The following QRICH2 variants were observed in gnomAD, a reference collection of about 807,000 sequenced individuals.
QRICH2 encodes glutamine-rich protein 2.
Under a neutral mutation model 168.3 loss-of-function variants are expected in QRICH2, and 119 were observed. The observed-to-expected ratio is 0.71, with a 90% CI of 0.61 to 0.82. The LOEUF is 0.82. Ranked by LOEUF, QRICH2 falls within the 40% of genes least tolerant of loss-of-function variation. The probability of loss-of-function intolerance (pLI) is 0.00; values close to 1 mark genes in which losing one functional copy is unlikely to be tolerated. For synonymous variants in QRICH2, 894 were observed against 951.2 expected, an observed-to-expected ratio of 0.94 and a Z score of 1.11; for missense variants, 2,241 against 2,491.6, an observed-to-expected ratio of 0.90 and a Z score of 2.14.
In QRICH2 at chr17:76,291,069, C is replaced by G. The variant is rs769674148; in HGVS notation, c.3658G>C (p.Glu1220Gln). The change falls in exon 4 of 19, where the codon GAG (glutamate) becomes CAG (glutamine). Residue 1220 changes from glutamate (E) to glutamine (Q), a missense_variant. Coordinates refer to ENST00000680821, the MANE Select transcript of QRICH2 (RefSeq NM_001388453.1). Reference protein sequence around the residue: ...LKESMKDLDEEQAGQTDLEKI... With the variant: ...LKESMKDLDEQQAGQTDLEKI... ...TCCAAGTCGGTTTGGCCGGCCTGCT[C>G]CTCATCCAGATCCTTCATACTCTCC... The G allele has an allele frequency of 6.2e-7, 1 of 1,614,180 alleles. No individual in the cohort carries two copies. Among genetic ancestry groups the G allele is most frequent in the Admixed American group, 1.7e-5 (1 of 60,022 alleles).
Position 76,289,985 on chromosome 17 carries a change from TCCTTA to T in QRICH2, c.3798+2_3798+6del. 1.3e-6 allele frequency: 2 copies of T among 1,592,630 alleles called. No individual in the cohort carries two copies. The highest frequency in any genetic ancestry group is 1.7e-6 in the Non-Finnish European group (2 of 1,164,096). The stretch of plus-strand genomic sequence containing the variant: ...AAAAAAGACAAAGTGGGTTGACTCT[TCCTTA>T]CTTTTGCTTTCTCCTGCCAAACTTC... On this transcript the variant is annotated splice_donor_variant and splice_donor_5th_base_variant and intron_variant, in intron 5 of 18. Transcript: ENST00000680821. LOFTEE classifies it high-confidence loss of function.
chr17:76,304,842 C>T (rs2143402195), intron 2 of QRICH2, 40 bp downstream of exon 2: 1 of 1,450,978 alleles, frequency 6.9e-7, no homozygotes, highest in South Asian at 1.1e-5. Flanking sequence ...GACGGCCAGC[C>T]CCCTGGAGAG....
chr17:76,291,309 G>A lies in QRICH2; in HGVS notation c.3418C>T (p.His1140Tyr), dbSNP rs757096724. 72 of 1,614,052 alleles carry A rather than the reference G, an allele frequency of 4.5e-5. 2 individuals carry two copies. The South Asian group carries it at 6.9e-4, about 16-fold the overall frequency. The change falls in exon 4 of 19, where the codon CAT (histidine) becomes TAT (tyrosine). Residue 1140 changes from histidine (H) to tyrosine (Y), a missense_variant. By Grantham distance (83) the His-to-Tyr change is moderately conservative. Coordinates refer to ENST00000680821, the MANE Select transcript of QRICH2 (RefSeq NM_001388453.1). ...GGGGCCTTCTGGGCAGGAATTCCATGTCGGTCCGAGGCTCGTGTTCTATTT... is the reference window on the plus strand; with the variant it reads ...GGGGCCTTCTGGGCAGGAATTCCATATCGGTCCGAGGCTCGTGTTCTATTT... ...DPNRTRASDR[H>Y]GIPAQKAPGQ...
chr17:76,282,378 C>A (rs559367748), intron 7 of QRICH2, among the ~76,000 whole-genome samples: 1 of 152,336 alleles, frequency 6.6e-6, no homozygotes, highest in South Asian at 2.1e-4. Flanking sequence ...CTCCAGCCAG[C>A]CCACCAGCTC....
chr17:76,276,822 C>G (rs2070689536), intron 16 of QRICH2, 55 bp from the exon 17 acceptor site: 8 of 1,362,058 alleles, frequency 5.9e-6, no homozygotes, highest in Non-Finnish European at 8.3e-6. Context: ...CCTCCCCTGG[C>G]CCCTTCACAC....
intron 1 of QRICH2, among the ~76,000 whole-genome samples, chr17:76,306,344 T>G (rs1054980997): frequency 2.6e-5 from 4 of 152,134 alleles, no homozygotes; most frequent in African/African-American, 9.7e-5. Context: ...AGGGCTCCCC[T>G]GCTGGGGCTT....
Position 76,307,436 on chromosome 17 carries a change from C to T in QRICH2, c.534+29G>A. 6.2e-7 allele frequency: 1 copy of T among 1,610,846 alleles called. No individual in the cohort carries two copies. The highest frequency in any genetic ancestry group is 1.3e-5 in the African/African-American group (1 of 74,992). On this transcript the variant is annotated intron_variant, in intron 1 of 18. Transcript: ENST00000680821. This position sits in a 1 kb window ranked among gnomAD's most constrained non-coding sequence, Gnocchi z 5.3. ...AGGGCGGCCTGGAGGAGGCAGACGG[C>T]CTGCGCGTGCCTCCGTGTGCGTGCT... is the stretch of plus-strand genomic sequence containing the variant.
At position 76,276,713 on chromosome 17, in the gene QRICH2, C is replaced by T. The variant is rs755628557; in HGVS notation, c.5320G>A (p.Asp1774Asn). ...CGGAGGATGCCTGGCAGCCTTGTGT[C>T]CATCCGTCCCTTGTAAATGTGGCCA... is the stretch of plus-strand genomic sequence containing the variant. ...LDGHIYKGRM[D>N]TRLPGILRKD... Residue 1774 changes from aspartate to asparagine, a missense_variant, in exon 17 of 19, where the codon GAC (aspartate) becomes AAC (asparagine). Transcript: ENST00000680821. 6.2e-7 allele frequency: 1 copy of T among 1,613,904 alleles called. No individual in the cohort carries two copies. Among genetic ancestry groups the T allele is most frequent in the Non-Finnish European group, 8.5e-7 (1 of 1,179,990 alleles).
Position 76,293,917 on chromosome 17 carries a change from C to G in QRICH2, c.810G>C (p.Glu270Asp). 6.2e-7 allele frequency: 1 copy of G among 1,614,160 alleles called. No individual in the cohort carries two copies. The highest frequency in any genetic ancestry group is 2.2e-5 in the East Asian group (1 of 44,876). The change falls in exon 4 of 19, where the codon GAG (glutamate) becomes GAC (aspartate). Residue 270 changes from glutamate (E) to aspartate (D), a missense_variant. Transcript: ENST00000680821. ...GACCACTGGCAGAATCCAGAGCCTG[C>G]TCAATACTTGGTTGCTTGGTAGAGT... ...SGDSTKQPSI[E>D]QALDSASGLG...
chr17:76,278,306 G>T (rs2070726993), intron 14 of QRICH2, 117 bp from the exon 15 acceptor site: 3 of 988,074 alleles, frequency 3.0e-6, no homozygotes, highest in Admixed American at 2.1e-5. Flanking sequence ...TAGGCTGGGG[G>T]TCGCTGGGCA....
chr17:76,299,598 G>A (rs1033751660), intron 3 of QRICH2, among the ~76,000 whole-genome samples: 3 of 151,852 alleles, frequency 2.0e-5, no homozygotes, highest in Non-Finnish European at 2.9e-5. Flanking sequence ...TTAGCTGGGC[G>A]TGATGGTGGG....
rs1568105670 is a variant in QRICH2 at position 76,279,100 on chromosome 17, G to A, written c.4857C>T (p.His1619=). ...ACACCGTGTAGGGGCGGATGGAATG[G>A]TGCCCAGGTAGGCCTGGACCCGCGG... ...VTPAGPGLPG[H]HSIRPYTVFE... Residue 1619 remains histidine (H), a synonymous_variant, in exon 14 of 19, where the codon CAC becomes CAT. Transcript: ENST00000680821. The A allele has an allele frequency of 6.2e-7, 1 of 1,613,744 alleles. No individual in the cohort carries two copies. The highest frequency in any genetic ancestry group is 8.5e-7 in the Non-Finnish European group (1 of 1,179,996).
chr17:76,296,508 C>T (rs1211868607), intron 3 of QRICH2, among the ~76,000 whole-genome samples: 1 of 150,826 alleles, frequency 6.6e-6, no homozygotes, highest in African/African-American at 2.4e-5. Context: ...GGGAGTTATC[C>T]AGGCGTGGTG....
intron 15 of QRICH2, 71 bp from the exon 16 acceptor site, chr17:76,277,381 T>C (rs1450169665): frequency 1.9e-6 from 3 of 1,545,216 alleles, no homozygotes; most frequent in Non-Finnish European, 2.6e-6. Context: ...CACCCACCCA[T>C]GGGGCTGACC....
intron 7 of QRICH2, among the ~76,000 whole-genome samples, chr17:76,286,153 C>A (rs969236444): frequency 2.7e-5 from 4 of 148,680 alleles, no homozygotes; most frequent in South Asian, 2.1e-4. Flanking sequence ...CCAGCCTAGG[C>A]GAGAGAGCAA....
At chr17:76,279,542 C>T (rs1411316341) in intron 12 of QRICH2, 114 bp from the exon 13 acceptor site, 5 of 771,352 alleles carry the variant, frequency 6.5e-6, no homozygotes, top group Non-Finnish European at 6.5e-6. Context: ...GATCATGTCC[C>T]TGCTCCCCAG....
chr17:76,279,918 C>T (rs1377398771), intron 12 of QRICH2, 115 bp downstream of exon 12: 1 of 1,288,880 alleles, frequency 7.8e-7, no homozygotes, highest in Admixed American at 2.7e-5. Context: ...TGGGACAGTC[C>T]TGGGCAGGAT....
In QRICH2 at chr17:76,291,548, C is replaced by T; in HGVS notation, c.3179G>A (p.Ser1060Asn). ...CAAACCTGTACTCAGTGGTATTGGGCTGTGCTGGTCTGTGCCAGGATGCAT... is the reference window on the plus strand; with the variant it reads ...CAAACCTGTACTCAGTGGTATTGGGTTGTGCTGGTCTGTGCCAGGATGCAT... ...GLMHPGTDQH[S>N]PIPLSTGLGS... is the part of the protein sequence containing the mutation. Residue 1060 changes from serine to asparagine, a missense_variant, in exon 4 of 19, where the codon AGC becomes AAC. Ser to Asn is a conservative substitution (Grantham distance 46, BLOSUM62 1). Around this residue, in one of 3 missense-constraint regions of QRICH2, gnomAD observed 2,047 missense variants for 2,303.8 expected, o/e 0.89. Transcript: ENST00000680821. 1 of 1,613,980 alleles carries T rather than the reference C, an allele frequency of 6.2e-7. No homozygotes were observed. Among genetic ancestry groups the T allele is most frequent in the Non-Finnish European group, 8.5e-7 (1 of 1,179,940 alleles).
At position 76,307,777 on chromosome 17, in the gene QRICH2, G is replaced by C; in HGVS notation, c.222C>G (p.Pro74=). 1 of 1,384,458 alleles carries C rather than the reference G, an allele frequency of 7.2e-7. No individual in the cohort carries two copies. Among genetic ancestry groups the C allele is most frequent in the Non-Finnish European group, 9.3e-7 (1 of 1,073,554 alleles). 85.8% of individuals were successfully genotyped at this position (1,384,458 alleles called of 1,614,324 possible). The change falls in exon 1 of 19, where the codon CCC becomes CCG. Residue 74 remains proline, a synonymous_variant. Transcript: ENST00000680821. The surrounding 1 kb of genome is among the most constrained non-coding windows in gnomAD (Gnocchi z 5.3). ...VRSSFSIPHL[P]APKEVPKGAP... is the part of the protein sequence containing the mutation. ...CCCCCTTGGGCACCTCCTTGGGCGC[G>C]GGCAGGTGCGGGATGCTGAACGAGC...
Sources: allele counts gnomAD v4.1 joint callset (sites outside exome capture counted in the v4.1 genomes callset), GRCh38; gene constraint gnomAD v4.1.1; regional missense constraint gnomAD v4.1.1; non-coding constraint Gnocchi (gnomAD v3.1); transcripts MANE v1.5; gene names NCBI Gene and HGNC (gene_info 2026-07-23, HGNC 2026-07-21).